DPYD: variants seen among roughly 807,000 people sequenced by gnomAD.
The protein encoded by DPYD is dihydropyrimidine dehydrogenase [NADP(+)].
DPYD carries 109 observed loss-of-function variants against 116.2 expected under a neutral mutation model. That is an observed-to-expected ratio of 0.94 (90% CI 0.80 to 1.10). The LOEUF (loss-of-function observed/expected upper bound fraction) is 1.10. Ranked by LOEUF, DPYD falls within the 50% of genes least tolerant of loss-of-function variation. The pLI is 0.00. For missense variants in DPYD, 1,302 were observed against 1,254.5 expected (o/e 1.04, Z -0.57); for synonymous variants, 440 against 432.0 (o/e 1.02, Z -0.23).
intron 8 of DPYD, among the ~76,000 whole-genome samples, chr1:97,625,858 A>T (rs2100781441): frequency 6.6e-6 from 1 of 152,174 alleles, no homozygotes; most frequent in South Asian, 2.1e-4. Flanking sequence ...CGATGATAAA[A>T]CACTCAGTTT....
At chr1:97,423,525 T>C (rs1486291286) in intron 14 of DPYD, among the ~76,000 whole-genome samples, 1 of 152,114 alleles carries the variant, frequency 6.6e-6, no homozygotes, top group African/African-American at 2.4e-5. Context: ...AGCACTGAGC[T>C]GACATAGTAC....
intron 20 of DPYD, among the ~76,000 whole-genome samples, 158 bp downstream of exon 20, chr1:97,192,911 C>T (rs1658477105): frequency 6.6e-6 from 1 of 152,132 alleles, no homozygotes; most frequent in African/African-American, 2.4e-5. Flanking sequence ...CATCATATGG[C>T]TGTAATCAAG....
intron 18 of DPYD, 116 bp downstream of exon 18, chr1:97,305,143 C>T: frequency 7.0e-7 from 1 of 1,433,454 alleles, no homozygotes; most frequent in Non-Finnish European, 9.7e-7. Context: ...GAATATTGAT[C>T]AGCTATGAGT....
intron 20 of DPYD, among the ~76,000 whole-genome samples, chr1:97,105,935 T>C (rs1488138976): frequency 6.6e-6 from 1 of 152,142 alleles, no homozygotes; most frequent in African/African-American, 2.4e-5. Flanking sequence ...TATCCTTATA[T>C]GGCTAAAATA....
intron 19 of DPYD, among the ~76,000 whole-genome samples, chr1:97,207,143 A>G (rs985300724): frequency 6.6e-5 from 10 of 152,134 alleles, no homozygotes; most frequent in Non-Finnish European, 1.3e-4. Context: ...ATGAAGCAAA[A>G]TAAAAATATT....
intron 16 of DPYD, among the ~76,000 whole-genome samples, chr1:97,329,319 T>C (rs1668860982): frequency 6.6e-6 from 1 of 152,218 alleles, no homozygotes; most frequent in Non-Finnish European, 1.5e-5. Flanking sequence ...ATATTCAAAA[T>C]AAAGTATATG....
intron 19 of DPYD, among the ~76,000 whole-genome samples, chr1:97,196,828 A>C (rs568008089): frequency 6.6e-6 from 1 of 152,312 alleles, no homozygotes; most frequent in South Asian, 2.1e-4. Context: ...CTTTTAATAT[A>C]ACTACAAATA....
At chr1:97,630,449 T>C (rs1657188304) in intron 8 of DPYD, among the ~76,000 whole-genome samples, 1 of 152,090 alleles carries the variant, frequency 6.6e-6, no homozygotes, top group Non-Finnish European at 1.5e-5. Context: ...CATCCCCCTC[T>C]TGGGGTGCCT....
chr1:97,757,480 T>C (rs1035036718), intron 3 of DPYD, among the ~76,000 whole-genome samples: 1 of 152,114 alleles, frequency 6.6e-6, no homozygotes, highest in African/African-American at 2.4e-5. Context: ...CAGGTTAGTC[T>C]TGCATTTTCA....
At chr1:97,218,481 T>C (rs772341586) in intron 19 of DPYD, among the ~76,000 whole-genome samples, 18 of 151,724 alleles carry the variant, frequency 1.2e-4, no homozygotes, top group Non-Finnish European at 2.6e-4. Context: ...GGTTATATTT[T>C]TGGTCTAGAG....
intron 3 of DPYD, among the ~76,000 whole-genome samples, chr1:97,775,855 T>C (rs993967517): frequency 2.0e-5 from 3 of 152,192 alleles, no homozygotes; most frequent in African/African-American, 7.2e-5. Flanking sequence ...ATCCTGAATA[T>C]TACTGAGTTT....
At chr1:97,749,237 A>G (rs1342794102) in intron 3 of DPYD, among the ~76,000 whole-genome samples, 1 of 152,194 alleles carries the variant, frequency 6.6e-6, no homozygotes, top group Middle Eastern at 3.2e-3. Context: ...TAAGTTCTGA[A>G]AGTTATACAT....
intron 7 of DPYD, among the ~76,000 whole-genome samples, chr1:97,687,125 G>C (rs1038230161): frequency 6.6e-6 from 1 of 152,052 alleles, no homozygotes; most frequent in Non-Finnish European, 1.5e-5. Flanking sequence ...AAAAAAATTA[G>C]CCACGTGTGG....
chr1:97,542,145 T>A (rs1213835033), intron 12 of DPYD, among the ~76,000 whole-genome samples: 1 of 152,178 alleles, frequency 6.6e-6, no homozygotes, highest in Non-Finnish European at 1.5e-5. Flanking sequence ...CTAGGCAATC[T>A]CATCATGTTC....
At chr1:97,761,361 G>T (rs1370303279) in intron 3 of DPYD, among the ~76,000 whole-genome samples, 1 of 151,964 alleles carries the variant, frequency 6.6e-6, no homozygotes, top group Non-Finnish European at 1.5e-5. Context: ...CATAAGAAAA[G>T]AAAAGAAAGG....
At chr1:97,236,578 G>C (rs2100754947) in intron 18 of DPYD, among the ~76,000 whole-genome samples, 1 of 152,236 alleles carries the variant, frequency 6.6e-6, no homozygotes, top group Admixed American at 6.5e-5. Flanking sequence ...TAAATAGGCA[G>C]AGCAAAGAGG....
intron 20 of DPYD, among the ~76,000 whole-genome samples, chr1:97,187,050 A>AT (rs1318295919): frequency 2.0e-5 from 3 of 152,050 alleles, no homozygotes; most frequent in Non-Finnish European, 4.4e-5. Flanking sequence ...ATATGAATGT[A>AT]TTTTTTTGAT....
intron 3 of DPYD, among the ~76,000 whole-genome samples, chr1:97,813,915 GAC>G (rs59229553): frequency 0.088 from 12,717 of 144,528 alleles, 822 homozygotes; most frequent in East Asian, 0.24. Flanking sequence ...GAAACACACA[GAC>G]ACACACACAC....
chr1:97,722,216 T>C (rs1361377405), intron 4 of DPYD, among the ~76,000 whole-genome samples: 3 of 151,494 alleles, frequency 2.0e-5, no homozygotes, highest in Admixed American at 6.6e-5. Context: ...AAAGGAAGAA[T>C]TGCATCTGAC....
Sources: allele counts gnomAD v4.1 joint callset (sites outside exome capture counted in the v4.1 genomes callset), GRCh38; gene constraint gnomAD v4.1.1; transcripts MANE v1.5; gene names NCBI Gene and HGNC (gene_info 2026-07-23, HGNC 2026-07-21).